ZFHX3: variants seen among roughly 807,000 people sequenced by gnomAD.
ZFHX3 encodes the protein zinc finger homeobox protein 3.
Under a neutral mutation model 279.1 loss-of-function variants are expected in ZFHX3, and 42 were observed. The observed-to-expected ratio is 0.15, with a 90% CI of 0.12 to 0.19. The LOEUF (loss-of-function observed/expected upper bound fraction) is 0.19, where lower values mean the gene tolerates loss of function less well. ZFHX3 is among the 10% of genes least tolerant of loss of function. The pLI is 1.00. For synonymous variants in ZFHX3, 2,293 were observed against 1,957.8 expected (o/e 1.17, Z -4.52); for missense variants, 4,981 against 4,754.0 (o/e 1.05, Z -1.40).
At chr16:73,612,586 A>G (rs544018757) in intron 2 of ZFHX3, among the ~76,000 whole-genome samples, 22 of 152,366 alleles carry the variant, frequency 1.4e-4, no homozygotes, top group African/African-American at 5.3e-4. Flanking sequence ...GGTGAAATGT[A>G]TGGTATGTAA....
rs140196876 is a variant in ZFHX3 at position 72,857,550 on chromosome 16, T to G, written c.3449-27691A>C. On this transcript the variant is annotated intron_variant, in intron 4 of 9. Transcript: ENST00000268489. ...AAATAAAAGTATTAGCCAGGTATGG[T>G]GGCACATGTCTGTAGTCCCAGCTAC... Among the ~76,000 whole-genome samples the G allele has an allele frequency of 3.3e-5, 5 of 152,230 alleles. No individual in the cohort carries two copies. In the East Asian group the frequency reaches 9.7e-4, roughly 29 times the overall value.
intron 2 of ZFHX3, among the ~76,000 whole-genome samples, chr16:73,550,880 T>C (rs1328286197): frequency 6.6e-6 from 1 of 152,188 alleles, no homozygotes; most frequent in Admixed American, 6.5e-5. Flanking sequence ...CAAATATATT[T>C]TGGGGAGAGA....
intron 5 of ZFHX3, among the ~76,000 whole-genome samples, chr16:73,214,019 C>G (rs1445288774): frequency 6.6e-6 from 1 of 152,106 alleles, no homozygotes; most frequent in African/African-American, 2.4e-5. Context: ...TTTGATACAC[C>G]TCATTAAACA....
At chr16:73,302,720 G>C (rs1191422936) in intron 4 of ZFHX3, among the ~76,000 whole-genome samples, 1 of 152,192 alleles carries the variant, frequency 6.6e-6, no homozygotes, top group Non-Finnish European at 1.5e-5. Flanking sequence ...GTGGTACTTG[G>C]AGGAATGACT....
At chr16:73,205,484 G>T (rs889032689) in intron 5 of ZFHX3, among the ~76,000 whole-genome samples, 1 of 152,168 alleles carries the variant, frequency 6.6e-6, no homozygotes, top group African/African-American at 2.4e-5. Context: ...AAAATAGGAA[G>T]CGAGCAATTG....
chr16:73,680,641 G>T (rs1443459285), intron 1 of ZFHX3, among the ~76,000 whole-genome samples: 2 of 152,158 alleles, frequency 1.3e-5, no homozygotes, highest in African/African-American at 4.8e-5. Flanking sequence ...TCTGGGAAAG[G>T]TACAAAGAAA....
chr16:73,489,232 G>T (rs1267084219), intron 2 of ZFHX3, among the ~76,000 whole-genome samples: 1 of 152,112 alleles, frequency 6.6e-6, no homozygotes, highest in Non-Finnish European at 1.5e-5. Flanking sequence ...CCTTATGTTT[G>T]GCATTCTAAT....
rs140089029 is a variant in ZFHX3, at chr16:73,445,765, G to C, written c.-1291+10238C>G. On this transcript the variant is annotated intron_variant, in intron 3 of 17. Coordinates refer to the ZFHX3 transcript ENST00000641206. ...TGCCTGTGCCTGCGGTAGGCAGGAA[G>C]TAAGAGGGAATTAACACCTGGGAGC... 6.4e-4 allele frequency among the ~76,000 whole-genome samples: 97 copies of C among 152,328 alleles called. 5 individuals are homozygous for C. The East Asian group carries it at 0.01, about 16-fold the overall frequency.
At chr16:73,613,807 T>C (rs1567533350) in intron 2 of ZFHX3, among the ~76,000 whole-genome samples, 1 of 152,196 alleles carries the variant, frequency 6.6e-6, no homozygotes, top group Non-Finnish European at 1.5e-5. Context: ...TAAATAACCC[T>C]AGGCCCATTA....
At chr16:73,724,312 T>A (rs2053500030) in intron 1 of ZFHX3, among the ~76,000 whole-genome samples, 1 of 152,252 alleles carries the variant, frequency 6.6e-6, no homozygotes, top group Non-Finnish European at 1.5e-5. Flanking sequence ...ACATGACTTA[T>A]TTCTACTGAT....
chr16:73,259,808 C>T (rs972683046), intron 4 of ZFHX3, among the ~76,000 whole-genome samples: 1 of 152,098 alleles, frequency 6.6e-6, no homozygotes, highest in Non-Finnish European at 1.5e-5. Context: ...TATATGCACA[C>T]GCATTATTTT....
upstream of ZFHX3, among the ~76,000 whole-genome samples, chr16:73,063,918 C>T (rs1965715850): frequency 6.6e-6 from 1 of 152,020 alleles, no homozygotes; most frequent in Non-Finnish European, 1.5e-5. Context: ...GTCTGAAGTC[C>T]CCTTTTGTTA....
At chr16:72,859,771 T>C (rs2037838052) in intron 4 of ZFHX3, among the ~76,000 whole-genome samples, 1 of 152,034 alleles carries the variant, frequency 6.6e-6, no homozygotes, top group South Asian at 2.1e-4. Flanking sequence ...TTAGAGGAAA[T>C]GAACAGCTGG....
intron 2 of ZFHX3, among the ~76,000 whole-genome samples, chr16:73,594,006 T>C (rs918028369): frequency 2.6e-5 from 4 of 152,152 alleles, no homozygotes; most frequent in Non-Finnish European, 5.9e-5. Flanking sequence ...CTCTTGTTAC[T>C]CCTATTCAAC....
intron 2 of ZFHX3, among the ~76,000 whole-genome samples, chr16:73,527,995 T>C (rs771937340): frequency 6.6e-5 from 10 of 152,246 alleles, no homozygotes; most frequent in Admixed American, 6.5e-4. Flanking sequence ...TAATTTGTTA[T>C]GTATCAATAG....
intron 1 of ZFHX3, among the ~76,000 whole-genome samples, chr16:73,698,841 A>G (rs973530309): frequency 6.7e-6 from 1 of 149,498 alleles, no homozygotes; most frequent in African/African-American, 2.5e-5. Context: ...GAAAAAACCA[A>G]TGCAATTCAA....
intron 1 of ZFHX3, among the ~76,000 whole-genome samples, chr16:73,866,792 A>C (rs1962034024): frequency 6.6e-6 from 1 of 152,188 alleles, no homozygotes; most frequent in African/African-American, 2.4e-5. Flanking sequence ...GGAGTAGGAA[A>C]AGGGCAGAAA....
At chr16:73,569,193 G>C (rs2020495208) in intron 2 of ZFHX3, among the ~76,000 whole-genome samples, 1 of 152,108 alleles carries the variant, frequency 6.6e-6, no homozygotes, top group Non-Finnish European at 1.5e-5. Context: ...AAGGAATATA[G>C]AATTCCTTTC....
chr16:73,857,741 T>G (rs1039308791), intron 1 of ZFHX3, among the ~76,000 whole-genome samples: 1 of 152,194 alleles, frequency 6.6e-6, no homozygotes, highest in African/African-American at 2.4e-5. Context: ...TCCCCTTCTA[T>G]GTGATGTCAG....
Sources: gnomAD v4.1 joint callset for allele counts (sites outside exome capture counted in the v4.1 genomes callset) on GRCh38, gnomAD v4.1.1 for gene constraint, MANE v1.5 for transcripts, NCBI Gene and HGNC (gene_info 2026-07-23, HGNC 2026-07-21) for gene names.